Variants in UBE3D observed in about 807,000 individuals in gnomAD.
The protein encoded by UBE3D is ubiquitin protein ligase E3D.
Under a neutral mutation model 49.6 loss-of-function variants are expected in UBE3D, and 48 were observed. The ratio of observed to expected loss-of-function variants is 0.97; its 90% CI spans 0.77 to 1.23. The LOEUF is 1.23. Ranked by LOEUF, UBE3D falls within the 50% of genes most tolerant of loss-of-function variation. The pLI, the probability that UBE3D is intolerant of heterozygous loss-of-function variation, is 0.00. For missense variants in UBE3D, 452 were observed against 468.4 expected, an observed-to-expected ratio of 0.96 and a Z score of 0.32; for synonymous variants, 189 against 174.2, an observed-to-expected ratio of 1.08 and a Z score of -0.67.
intron 9 of UBE3D, among the ~76,000 whole-genome samples, chr6:82,935,103 T>C (rs929194647): frequency 3.3e-5 from 5 of 150,836 alleles, no homozygotes; most frequent in Non-Finnish European, 7.4e-5. Context: ...CTCATGGTTC[T>C]GCAGGCTTTA....
intron 9 of UBE3D, among the ~76,000 whole-genome samples, chr6:82,908,846 T>C (rs1772293559): frequency 6.6e-6 from 1 of 152,152 alleles, no homozygotes; most frequent in African/African-American, 2.4e-5. Context: ...CAGGGAGATA[T>C]TTATACAGCC....
chr6:82,943,517 T>C (rs1363381034), intron 9 of UBE3D, among the ~76,000 whole-genome samples: 1 of 151,994 alleles, frequency 6.6e-6, no homozygotes, highest in East Asian at 1.9e-4. Context: ...GTACCCGTAG[T>C]CCCAGCTACT....
intron 9 of UBE3D, among the ~76,000 whole-genome samples, chr6:82,932,832 C>A (rs1299823888): frequency 6.6e-6 from 1 of 152,058 alleles, no homozygotes; most frequent in Non-Finnish European, 1.5e-5. Flanking sequence ...TTTCTGCTAC[C>A]AGGAAATGTG....
chr6:82,902,020 G>T (rs892382230), intron 9 of UBE3D, among the ~76,000 whole-genome samples: 1 of 152,190 alleles, frequency 6.6e-6, no homozygotes, highest in African/African-American at 2.4e-5. Context: ...CATATGACTA[G>T]ACTGTGGCAT....
At chr6:82,989,152 A>G (rs1778715279) in intron 8 of UBE3D, among the ~76,000 whole-genome samples, 1 of 152,122 alleles carries the variant, frequency 6.6e-6, no homozygotes, top group Non-Finnish European at 1.5e-5. Context: ...CCTTTACAGT[A>G]ACAAATACCA....
chr6:83,009,183 A>C (rs1780182644), intron 8 of UBE3D, among the ~76,000 whole-genome samples: 1 of 152,194 alleles, frequency 6.6e-6, no homozygotes, highest in Non-Finnish European at 1.5e-5. Context: ...CTTTTTCTTA[A>C]TACTTGAAAG....
intron 8 of UBE3D, among the ~76,000 whole-genome samples, chr6:82,992,409 G>T (rs1165464203): frequency 6.6e-6 from 1 of 151,948 alleles, no homozygotes; most frequent in African/African-American, 2.4e-5. Flanking sequence ...TTTTAGTAGA[G>T]ATGGGGTTTC....
In UBE3D at chr6:83,001,116, T is replaced by C. The variant is rs1779604409; in HGVS notation, c.1010+17857A>G. ...GCGTTGGCTTCCCAAAGTGCTGGAA[T>C]TACAGGCGTGAGCCACTGAGCCCGG... On this transcript the variant is annotated intron_variant, in intron 8 of 9. Transcript: ENST00000369747. Among the ~76,000 whole-genome samples, 4 of 152,208 alleles carry C rather than the reference T, an allele frequency of 2.6e-5. No individual in the cohort carries two copies. The South Asian group carries it at 8.3e-4, about 32-fold the overall frequency.
At chr6:82,902,308 T>C (rs1456758106) in intron 9 of UBE3D, among the ~76,000 whole-genome samples, 4 of 152,150 alleles carry the variant, frequency 2.6e-5, no homozygotes, top group Non-Finnish European at 5.9e-5. Context: ...CCCAGAGAAA[T>C]AGAAACTTAT....
chr6:82,918,333 C>A lies in UBE3D; in HGVS notation c.1150-25291G>T, dbSNP rs377317005. Among the ~76,000 whole-genome samples, 40 of 151,570 alleles carry A rather than the reference C, an allele frequency of 2.6e-4. 2 individuals are homozygous for A. In the Middle Eastern group the frequency reaches 0.014, roughly 52 times the overall value. On this transcript the variant is annotated intron_variant, in intron 9 of 9. Coordinates refer to ENST00000369747, the MANE Select transcript of UBE3D (RefSeq NM_198920.3). Reference sequence around the variant, plus strand: ...ATAAACCCTTTCATTTCCTGAATCTCATTGTCATATGAACCCTTCACCAGT... The same window carrying A: ...ATAAACCCTTTCATTTCCTGAATCTAATTGTCATATGAACCCTTCACCAGT...
chr6:83,029,471 T>C (rs1781714033), intron 5 of UBE3D, among the ~76,000 whole-genome samples: 2 of 152,224 alleles, frequency 1.3e-5, no homozygotes, highest in South Asian at 4.1e-4. Flanking sequence ...TTCTAATTTA[T>C]TGAGATTTGC....
At chr6:82,966,474 C>A (rs1475764605) in intron 8 of UBE3D, among the ~76,000 whole-genome samples, 1 of 91,714 alleles carries the variant, frequency 1.1e-5, no homozygotes, top group Non-Finnish European at 2.3e-5. Context: ...AACGGTGAAA[C>A]CCCGTCTCTA....
At chr6:82,951,928 G>A (rs888385979) in intron 9 of UBE3D, among the ~76,000 whole-genome samples, 2 of 152,016 alleles carry the variant, frequency 1.3e-5, no homozygotes, top group South Asian at 4.2e-4. Flanking sequence ...TGTACATAAG[G>A]GTCTTTAGAG....
chr6:83,031,492 A>T (rs1473709349), intron 5 of UBE3D, among the ~76,000 whole-genome samples: 1 of 152,208 alleles, frequency 6.6e-6, no homozygotes, highest in Non-Finnish European at 1.5e-5. Flanking sequence ...GGAGAAATTC[A>T]AGCCACTTGC....
intron 8 of UBE3D, among the ~76,000 whole-genome samples, chr6:82,999,708 CAA>C (rs1330530489): frequency 1.3e-5 from 2 of 152,024 alleles, no homozygotes; most frequent in South Asian, 2.1e-4. Flanking sequence ...TAAATGGACT[CAA>C]GTCAGTCTAA....
chr6:83,052,544 G>T (rs1460310390), intron 3 of UBE3D, among the ~76,000 whole-genome samples: 1 of 152,188 alleles, frequency 6.6e-6, no homozygotes, highest in African/African-American at 2.4e-5. Flanking sequence ...AGGAAAGGAA[G>T]TCACTTTCAT....
chr6:83,016,206 T>C (rs1035036465), intron 8 of UBE3D, among the ~76,000 whole-genome samples: 6 of 152,198 alleles, frequency 3.9e-5, no homozygotes, highest in African/African-American at 1.4e-4. Context: ...AGCTGGGAGT[T>C]AGAATCCCTG....
rs534197957 is a variant in UBE3D, at chr6:83,052,692, T to C, written c.365+1456A>G. ...ATAGGTTGGGGAAAGAGATATGAAA[T>C]GTGAGGGTGGAGAGGTAAATAGAGG... On this transcript the variant is annotated intron_variant, in intron 3 of 9. Transcript: ENST00000369747. 2.6e-5 allele frequency among the ~76,000 whole-genome samples: 4 copies of C among 151,990 alleles called. No individual in the cohort carries two copies. The East Asian group carries it at 5.8e-4, about 22-fold the overall frequency.
At chr6:82,911,257 CTT>C (rs960071584) in intron 9 of UBE3D, among the ~76,000 whole-genome samples, 1 of 136,874 alleles carries the variant, frequency 7.3e-6, no homozygotes, top group Admixed American at 7.7e-5. Context: ...TTGTGACAGT[CTT>C]TTCATTTATT....
Sources: gnomAD v4.1 joint callset for allele counts (sites outside exome capture counted in the v4.1 genomes callset) on GRCh38, gnomAD v4.1.1 for gene constraint, MANE v1.5 for transcripts, NCBI Gene and HGNC (gene_info 2026-07-23, HGNC 2026-07-21) for gene names.